Variants in APC observed in about 807,000 individuals in gnomAD.
The protein encoded by APC is adenomatous polyposis coli protein.
APC carries 72 observed loss-of-function variants against 247.0 expected under a neutral mutation model. That is an observed-to-expected ratio of 0.29 (90% CI 0.24 to 0.35). The LOEUF is 0.35. Ranked by LOEUF, APC falls within the 10% of genes least tolerant of loss-of-function variation. The probability of loss-of-function intolerance (pLI) is 1.00; values close to 1 mark genes in which losing one functional copy is unlikely to be tolerated. For missense variants in APC, 3,400 were observed against 3,360.7 expected, an observed-to-expected ratio of 1.01 and a Z score of -0.29; for synonymous variants, 1,254 against 1,162.5, an observed-to-expected ratio of 1.08 and a Z score of -1.60.
intron 5 of APC, among the ~76,000 whole-genome samples, chr5:112,776,816 G>T (rs1757706714): frequency 6.6e-6 from 1 of 151,730 alleles, no homozygotes; most frequent in Non-Finnish European, 1.5e-5. Context: ...ACTCCATCCA[G>T]CCTGGGTGAC....
intron 1 of APC, among the ~76,000 whole-genome samples, chr5:112,716,558 G>C (rs927846672): frequency 6.6e-6 from 1 of 151,496 alleles, no homozygotes; most frequent in African/African-American, 2.4e-5. Context: ...TTTTTTATTA[G>C]GTCATATTTG....
chr5:112,715,412 ACTT>A (rs1347471691), intron 1 of APC, among the ~76,000 whole-genome samples: 1 of 152,202 alleles, frequency 6.6e-6, no homozygotes, highest in Non-Finnish European at 1.5e-5. Flanking sequence ...AGGGGATACT[ACTT>A]TAGTTTGGTA....
rs1554088957 is a variant in APC, at chr5:112,843,790, C to T, written c.8196C>T (p.Asp2732=). ...CCTTTATTCAGGTGGATGCCCCTGA[C>T]CAAAAAGGAACTGAGATAAAACCAG... ...LNSFIQVDAP[D]QKGTEIKPGQ... Residue 2732 remains aspartate (D), a synonymous_variant, in exon 16 of 16, where the codon GAC becomes GAT. Coordinates refer to ENST00000257430, the MANE Select transcript of APC (RefSeq NM_000038.6). This position sits in a 1 kb window ranked among gnomAD's most constrained non-coding sequence, Gnocchi z 4.8. The T allele has an allele frequency of 5.6e-6, 9 of 1,613,966 alleles. No homozygotes were observed. Among genetic ancestry groups the T allele is most frequent in the Non-Finnish European group, 6.8e-6 (8 of 1,179,902 alleles).
intron 1 of APC, among the ~76,000 whole-genome samples, chr5:112,751,520 A>G (rs748265112): frequency 6.6e-6 from 1 of 151,916 alleles, no homozygotes; most frequent in Admixed American, 6.6e-5. Context: ...TATCTTTCTC[A>G]TATATGTTTT....
chr5:112,755,140 T>A, intron 2 of APC, 115 bp downstream of exon 2: 14 of 1,423,548 alleles, frequency 9.8e-6, no homozygotes, highest in Non-Finnish European at 9.5e-6. Context: ...AGCAATAATA[T>A]GTAAACTCTT....
intron 8 of APC, among the ~76,000 whole-genome samples, chr5:112,815,006 T>C (rs768574002): frequency 5.9e-5 from 9 of 152,242 alleles, no homozygotes; most frequent in Admixed American, 1.3e-4. Context: ...GTGTTTATAT[T>C]ATACTGCACT....
chr5:112,803,243 C>A (rs1285306014), intron 8 of APC, among the ~76,000 whole-genome samples: 1 of 152,100 alleles, frequency 6.6e-6, no homozygotes, highest in Non-Finnish European at 1.5e-5. Flanking sequence ...TATAATGTGC[C>A]TGTTGTGAAG....
intron 2 of APC, among the ~76,000 whole-genome samples, chr5:112,757,378 T>C (rs1441534648): frequency 1.3e-5 from 2 of 152,168 alleles, no homozygotes; most frequent in South Asian, 4.1e-4. Flanking sequence ...TTGCTAGACT[T>C]TGTAATACCT....
Position 112,839,320 on chromosome 5 carries a change from G to A in APC, c.3726G>A (p.Gln1242=), listed in dbSNP as rs1765504362. The change falls in exon 16 of 16, where the codon CAG becomes CAA. Residue 1242 remains glutamine (Q), a synonymous_variant. Transcript: ENST00000257430. This position sits in a 1 kb window ranked among gnomAD's most constrained non-coding sequence, Gnocchi z 5.0. ...GTTCTGCACAGAGTAGAAGTGGTCA[G>A]CCTCAAAAGGCTGCCACTTGCAAAG... ...HPSSAQSRSG[Q]PQKAATCKVS... 6.2e-7 allele frequency: 1 copy of A among 1,613,426 alleles called. No homozygotes were observed. The highest frequency in any genetic ancestry group is 1.3e-5 in the African/African-American group (1 of 74,980).
intron 7 of APC, among the ~76,000 whole-genome samples, chr5:112,795,080 G>A (rs1242926651): frequency 2.0e-5 from 3 of 152,196 alleles, no homozygotes; most frequent in African/African-American, 7.2e-5. Flanking sequence ...AGGCTGGAGT[G>A]CAGTGGCGTG....
At chr5:112,792,024 G>T (rs1361202337) in intron 6 of APC, among the ~76,000 whole-genome samples, 2 of 152,166 alleles carry the variant, frequency 1.3e-5, no homozygotes, top group African/African-American at 4.8e-5. Context: ...GAGGCAGGCG[G>T]ATCACAAGGT....
rs1320552799 is a variant in APC, at chr5:112,841,028, A to T, written c.5434A>T (p.Lys1812Ter). 1 of 1,611,142 alleles carries T rather than the reference A, an allele frequency of 6.2e-7. No homozygotes were observed. The highest frequency in any genetic ancestry group is 8.5e-7 in the Non-Finnish European group (1 of 1,177,384). The change falls in exon 16 of 16, where the codon AAG (lysine) becomes TAG (stop). Residue 1812 changes from lysine (K) to a stop codon, truncating the protein, a stop_gained. Transcript: ENST00000257430. LOFTEE classifies it high-confidence loss of function. The surrounding 1 kb of genome is among the most constrained non-coding windows in gnomAD (Gnocchi z 4.6). Reference sequence around the variant, plus strand: ...AGTTTTCTCAGACAACAAAGATTCAAAGAAACAGAATTTGAAAAATAATTC... The same window carrying T: ...AGTTTTCTCAGACAACAAAGATTCATAGAAACAGAATTTGAAAAATAATTC... ...ERVFSDNKDS[K>*]KQNLKNNSKV...
intron 10 of APC, among the ~76,000 whole-genome samples, chr5:112,820,901 G>A (rs1031553721): frequency 2.0e-5 from 3 of 151,894 alleles, no homozygotes; most frequent in Admixed American, 6.6e-5. Flanking sequence ...TCACACAAGC[G>A]CCCAGACTGT....
chr5:112,749,762 G>C (rs561136190), intron 1 of APC, among the ~76,000 whole-genome samples: 110 of 151,280 alleles, frequency 7.3e-4, no homozygotes, highest in African/African-American at 2.6e-3. Context: ...TGGGATTACA[G>C]GCATGAGCCA....
intron 6 of APC, among the ~76,000 whole-genome samples, chr5:112,786,886 CTTTT>C (rs1171592849): frequency 1.7e-5 from 2 of 118,128 alleles, no homozygotes; most frequent in Non-Finnish European, 1.7e-5. Context: ...TTTTCTTTTT[CTTTT>C]TTTTTTTTTT....
chr5:112,751,981 T>G (rs1239538747), intron 1 of APC, among the ~76,000 whole-genome samples: 1 of 152,096 alleles, frequency 6.6e-6, no homozygotes, highest in African/African-American at 2.4e-5. Flanking sequence ...CATGAACATA[T>G]GATTTTTTCC....
In APC at chr5:112,843,782, G is replaced by A. The variant is rs1060503348; in HGVS notation, c.8188G>A (p.Ala2730Thr). ...CCTGAACTCCTTTATTCAGGTGGAT[G>A]CCCCTGACCAAAAAGGAACTGAGAT... Reference protein sequence around the residue: ...NRLNSFIQVDAPDQKGTEIKP... With the variant: ...NRLNSFIQVDTPDQKGTEIKP... Residue 2730 changes from alanine to threonine, a missense_variant, in exon 16 of 16, where the codon GCC becomes ACC. This residue lies in a region of APC where 1,788 missense variants were observed against 1,649.5 expected (regional missense o/e 1.08). Transcript: ENST00000257430. This position sits in a 1 kb window ranked among gnomAD's most constrained non-coding sequence, Gnocchi z 4.8. The A allele has an allele frequency of 1.9e-6, 3 of 1,613,852 alleles. No individual in the cohort carries two copies. The highest frequency in any genetic ancestry group is 2.5e-6 in the Non-Finnish European group (3 of 1,179,738).
At chr5:112,737,527 A>G (rs1198592616), upstream of APC, among the ~76,000 whole-genome samples, 4 of 152,168 alleles carry the variant, frequency 2.6e-5, no homozygotes, top group African/African-American at 7.2e-5. Context: ...ATCGAGATGT[A>G]ATTTATTACT....
upstream of APC, among the ~76,000 whole-genome samples, chr5:112,736,413 A>G (rs1308042349): frequency 1.3e-5 from 2 of 152,212 alleles, no homozygotes; most frequent in African/African-American, 4.8e-5. Context: ...AAAGAGAAAA[A>G]AAACAAAGCA....
Sources: allele counts gnomAD v4.1 joint callset (sites outside exome capture counted in the v4.1 genomes callset), GRCh38; gene constraint gnomAD v4.1.1; regional missense constraint gnomAD v4.1.1; non-coding constraint Gnocchi (gnomAD v3.1); transcripts MANE v1.5; gene names NCBI Gene and HGNC (gene_info 2026-07-23, HGNC 2026-07-21).